CEP85L: variants seen among roughly 807,000 people sequenced by gnomAD.
CEP85L encodes centrosomal protein 85L.
A neutral mutation model predicts 100.3 loss-of-function variants in CEP85L; 60 were observed. The ratio of observed to expected loss-of-function variants is 0.60; its 90% CI spans 0.49 to 0.74. The LOEUF is 0.74. CEP85L is among the 30% of genes least tolerant of loss of function. The probability of loss-of-function intolerance (pLI) is 0.00; values close to 1 mark genes in which losing one functional copy is unlikely to be tolerated. For missense variants in CEP85L, 973 were observed against 936.2 expected, an observed-to-expected ratio of 1.04 and a Z score of -0.51; for synonymous variants, 319 against 322.7, an observed-to-expected ratio of 0.99 and a Z score of 0.12.
chr6:118,519,566 GTGTGTGT>G (rs1776527394), intron 4 of CEP85L, among the ~76,000 whole-genome samples: 1 of 10,778 alleles, frequency 9.3e-5, no homozygotes, highest in African/African-American at 2.2e-4. Flanking sequence ...GTGTGTGTGT[GTGTGTGT>G]GTGTGTGTGG....
intron 3 of CEP85L, among the ~76,000 whole-genome samples, chr6:118,531,391 C>T (rs1429254636): frequency 6.6e-6 from 1 of 152,086 alleles, no homozygotes; most frequent in African/African-American, 2.4e-5. Flanking sequence ...AATTATGAAA[C>T]CTAAAACTAT....
chr6:118,540,403 T>C (rs551980767), intron 3 of CEP85L, among the ~76,000 whole-genome samples: 25 of 152,018 alleles, frequency 1.6e-4, no homozygotes, highest in Non-Finnish European at 3.2e-4. Flanking sequence ...CAGTAAGAAA[T>C]ATCTACACTT....
At chr6:118,526,673 T>G (rs1776981396) in intron 3 of CEP85L, among the ~76,000 whole-genome samples, 1 of 152,182 alleles carries the variant, frequency 6.6e-6, no homozygotes, top group South Asian at 2.1e-4. Context: ...GGCCAAAACT[T>G]GCCAAAACCA....
chr6:118,612,076 T>C (rs774669320), intron 2 of CEP85L, among the ~76,000 whole-genome samples: 4 of 152,070 alleles, frequency 2.6e-5, no homozygotes, highest in African/African-American at 9.7e-5. Flanking sequence ...AAATATACCA[T>C]ACGGTGGGCC....
At chr6:118,585,801 C>T (rs1423490115) in intron 2 of CEP85L, among the ~76,000 whole-genome samples, 1 of 152,160 alleles carries the variant, frequency 6.6e-6, no homozygotes, top group Non-Finnish European at 1.5e-5. Flanking sequence ...CCTGAACAGG[C>T]GACTCCTTCC....
intron 5 of CEP85L, among the ~76,000 whole-genome samples, 183 bp downstream of exon 5, chr6:118,511,115 G>A (rs983676712): frequency 6.6e-6 from 1 of 152,064 alleles, no homozygotes; most frequent in African/African-American, 2.4e-5. Flanking sequence ...TGTGTGGAGA[G>A]GGGTGTGCAA....
chr6:118,528,232 G>C (rs891801437), intron 3 of CEP85L, among the ~76,000 whole-genome samples: 3 of 144,296 alleles, frequency 2.1e-5, no homozygotes, highest in African/African-American at 7.7e-5. Flanking sequence ...TTTTTTTAAC[G>C]TTTCTTGGCA....
chr6:118,558,658 C>CAG (rs1210740872), intron 3 of CEP85L, among the ~76,000 whole-genome samples: 39 of 124,908 alleles, frequency 3.1e-4, no homozygotes, highest in Middle Eastern at 3.6e-3. Context: ...CACACACACA[C>CAG]ACAGAGAGAG....
chr6:118,544,362 G>A (rs554698191), intron 3 of CEP85L, among the ~76,000 whole-genome samples: 1 of 152,118 alleles, frequency 6.6e-6, no homozygotes, highest in Non-Finnish European at 1.5e-5. Context: ...TCTCTTAGAA[G>A]TCATACTGCT....
At chr6:118,659,901 A>T (rs747217058) in intron 1 of CEP85L, among the ~76,000 whole-genome samples, 1 of 152,252 alleles carries the variant, frequency 6.6e-6, no homozygotes, top group Non-Finnish European at 1.5e-5. Context: ...TTTTCCAAAA[A>T]ATTAGAGCAT....
intron 3 of CEP85L, among the ~76,000 whole-genome samples, chr6:118,539,254 T>G (rs1777771858): frequency 6.6e-6 from 1 of 152,216 alleles, no homozygotes; most frequent in Non-Finnish European, 1.5e-5. Flanking sequence ...TATACCTCAT[T>G]CTTACTATAT....
At chr6:118,567,189 ATATG>A (rs1779560588) in intron 2 of CEP85L, among the ~76,000 whole-genome samples, 1 of 148,650 alleles carries the variant, frequency 6.7e-6, no homozygotes, top group South Asian at 2.1e-4. Flanking sequence ...GTGTGTACAT[ATATG>A]TATGAATATA....
intron 1 of CEP85L, among the ~76,000 whole-genome samples, chr6:118,665,561 G>A (rs997842342): frequency 9.2e-5 from 14 of 151,714 alleles, no homozygotes; most frequent in East Asian, 3.9e-4. Context: ...GTTTTGCCAC[G>A]TTGCCCACGC....
Position 118,464,644 on chromosome 6 carries a change from T to C in CEP85L, c.*761A>G, listed in dbSNP as rs1772392168. 6.6e-6 allele frequency: 1 copy of C among 151,980 alleles called. No individual in the cohort carries two copies. The allele number at this position is 151,980 out of a possible 1,614,324, so 9.4% of individuals were successfully genotyped here. A position where few individuals can be genotyped will look rare whatever the true frequency, so the allele number is the denominator to read the frequency against. On this transcript the variant is annotated 3_prime_UTR_variant, in exon 13 of 13. Transcript: ENST00000368491. ...AAAATTGTAAATAGTAAGGAACATGTTAAAATTAGTTCAAGTTATGTTAAC... is the reference window on the plus strand; with the variant it reads ...AAAATTGTAAATAGTAAGGAACATGCTAAAATTAGTTCAAGTTATGTTAAC...
chr6:118,468,053 G>A (rs145153128), intron 12 of CEP85L, among the ~76,000 whole-genome samples: 1 of 152,242 alleles, frequency 6.6e-6, no homozygotes, highest in East Asian at 1.9e-4. Context: ...TCTGATAAAT[G>A]TTTACTCCGT....
At chr6:118,707,151 A>G (rs1357546114) in intron 1 of CEP85L, among the ~76,000 whole-genome samples, 1 of 150,432 alleles carries the variant, frequency 6.6e-6, no homozygotes, top group Admixed American at 6.6e-5. Context: ...TGGTCCCAGC[A>G]GTCCTCCTGG....
intron 5 of CEP85L, among the ~76,000 whole-genome samples, chr6:118,509,126 C>T (rs778692146): frequency 6.6e-6 from 1 of 152,112 alleles, no homozygotes; most frequent in African/African-American, 2.4e-5. Context: ...TTTTAACAAC[C>T]CCTTTTACAT....
intron 3 of CEP85L, among the ~76,000 whole-genome samples, chr6:118,545,512 C>G (rs775741937): frequency 6.6e-6 from 1 of 152,090 alleles, no homozygotes; most frequent in Non-Finnish European, 1.5e-5. Flanking sequence ...CGCTTGAACC[C>G]GAGAGGGAGA....
At chr6:118,565,382 T>G in intron 3 of CEP85L, 147 bp downstream of exon 3, 1 of 750,814 alleles carries the variant, frequency 1.3e-6, no homozygotes, top group Non-Finnish European at 2.2e-6. Context: ...ACAACACTTT[T>G]CGGTTTGTAA....
Sources: gnomAD v4.1 joint callset for allele counts (sites outside exome capture counted in the v4.1 genomes callset) on GRCh38, gnomAD v4.1.1 for gene constraint, MANE v1.5 for transcripts, NCBI Gene and HGNC (gene_info 2026-07-23, HGNC 2026-07-21) for gene names.